RAB27A: variants seen among roughly 807,000 people sequenced by gnomAD.
The protein encoded by RAB27A is ras-related protein Rab-27A.
A neutral mutation model predicts 20.8 loss-of-function variants in RAB27A; 17 were observed. The ratio of observed to expected loss-of-function variants is 0.82; its 90% CI spans 0.56 to 1.23. The LOEUF (loss-of-function observed/expected upper bound fraction) is 1.23, where lower values mean the gene tolerates loss of function less well. RAB27A is among the 50% of genes most tolerant of loss of function. The pLI, the probability that RAB27A is intolerant of heterozygous loss-of-function variation, is 0.00. For missense variants in RAB27A, 277 were observed against 266.7 expected (o/e 1.04, Z -0.27); for synonymous variants, 85 against 92.8 (o/e 0.92, Z 0.48).
chr15:55,317,369 C>T, intron 1 of RAB27A: 1 of 199,766 alleles, frequency 5.0e-6, no homozygotes. Flanking sequence ...GGCTGGAGTG[C>T]AGCAGCGTGA....
intron 3 of RAB27A, among the ~76,000 whole-genome samples, chr15:55,231,173 A>C (rs1299884947): frequency 6.6e-6 from 1 of 152,176 alleles, no homozygotes; most frequent in Non-Finnish European, 1.5e-5. Flanking sequence ...GCTGCATAGT[A>C]TTCTATGATG....
At chr15:55,264,726 T>C (rs1211584950) in intron 2 of RAB27A, among the ~76,000 whole-genome samples, 2 of 152,196 alleles carry the variant, frequency 1.3e-5, no homozygotes, top group African/African-American at 4.8e-5. Context: ...TCCAAAGATA[T>C]ACTAGTAAAG....
At chr15:55,273,959 G>A (rs111449095) in intron 1 of RAB27A, among the ~76,000 whole-genome samples, 20 of 152,222 alleles carry the variant, frequency 1.3e-4, no homozygotes, top group African/African-American at 3.1e-4. Flanking sequence ...CTTCTCAAGC[G>A]CACGTGGAAT....
At position 55,214,159 on chromosome 15, in the gene RAB27A, G is replaced by A. The variant is rs188613487; in HGVS notation, c.468-8454C>T. The stretch of plus-strand genomic sequence containing the variant: ...CAGCTATTAAAAACTGGTTGAGGCC[G>A]GGCGCGATGGCTGATGCCTGTAATC... On this transcript the variant is annotated intron_variant, in intron 6 of 6. Coordinates refer to ENST00000336787, the MANE Select transcript of RAB27A (RefSeq NM_183235.3). Among the ~76,000 whole-genome samples the A allele has an allele frequency of 1.8e-4, 27 of 152,300 alleles. 1 individual carries two copies. In the East Asian group the frequency reaches 2.1e-3, roughly 12 times the overall value.
intron 2 of RAB27A, among the ~76,000 whole-genome samples, chr15:55,244,896 C>T (rs548742483): frequency 1.3e-5 from 2 of 152,194 alleles, no homozygotes; most frequent in Admixed American, 1.3e-4. Context: ...TTATGTTTAA[C>T]GTTAAAAAGC....
intron 2 of RAB27A, among the ~76,000 whole-genome samples, chr15:55,249,498 C>A (rs1474943063): frequency 1.3e-5 from 2 of 152,130 alleles, no homozygotes; most frequent in Non-Finnish European, 2.9e-5. Flanking sequence ...CCAGGCTGGT[C>A]CTGAACTCCT....
intron 6 of RAB27A, among the ~76,000 whole-genome samples, chr15:55,219,582 G>A (rs1895469014): frequency 6.6e-6 from 1 of 152,160 alleles, no homozygotes. Flanking sequence ...CAGTGTTCAG[G>A]TGATTGATTC....
chr15:55,285,283 C>T (rs1352039943), intron 1 of RAB27A, among the ~76,000 whole-genome samples: 1 of 111,356 alleles, frequency 9.0e-6, no homozygotes, highest in South Asian at 2.8e-4. Context: ...TGTTTAAGGG[C>T]AACATATACA....
At chr15:55,221,698 T>A (rs1895578946) in intron 6 of RAB27A, among the ~76,000 whole-genome samples, 1 of 152,146 alleles carries the variant, frequency 6.6e-6, no homozygotes, top group East Asian at 1.9e-4. Context: ...GGGGGCAATT[T>A]TGGGGGTAGG....
chr15:55,245,739 T>C (rs1896660608), intron 2 of RAB27A, among the ~76,000 whole-genome samples: 2 of 152,226 alleles, frequency 1.3e-5, no homozygotes, highest in South Asian at 4.1e-4. Context: ...GACCAACTTC[T>C]AGCAGATGGT....
At chr15:55,311,289 C>G (rs1023925158) in intron 2 of RAB27A, among the ~76,000 whole-genome samples, 1 of 152,182 alleles carries the variant, frequency 6.6e-6, no homozygotes, top group African/African-American at 2.4e-5. Context: ...TCAGGGTTAT[C>G]TAAGAATTTA....
intron 2 of RAB27A, among the ~76,000 whole-genome samples, chr15:55,267,193 G>C (rs552575947): frequency 2.0e-5 from 3 of 152,296 alleles, no homozygotes; most frequent in Admixed American, 2.0e-4. Flanking sequence ...TTATCATTGA[G>C]CTATTTGCTG....
intron 2 of RAB27A, among the ~76,000 whole-genome samples, chr15:55,241,602 A>C (rs7176232): frequency 0.025 from 1,112 of 45,218 alleles, 63 homozygotes; most frequent in African/African-American, 0.096. Flanking sequence ...AGACCTATTT[A>C]TATATATATA....
At chr15:55,226,612 G>A (rs1177186944) in intron 5 of RAB27A, among the ~76,000 whole-genome samples, 2 of 152,114 alleles carry the variant, frequency 1.3e-5, no homozygotes, top group Non-Finnish European at 2.9e-5. Flanking sequence ...GCTCACGCCT[G>A]TAATCCCAGC....
intron 2 of RAB27A, among the ~76,000 whole-genome samples, chr15:55,250,376 A>G (rs1896845515): frequency 1.3e-5 from 2 of 152,206 alleles, no homozygotes; most frequent in Admixed American, 1.3e-4. Flanking sequence ...TTGTTAAGCT[A>G]TTTATGGCTA....
At chr15:55,218,934 G>A (rs1895438683) in intron 6 of RAB27A, among the ~76,000 whole-genome samples, 1 of 151,922 alleles carries the variant, frequency 6.6e-6, no homozygotes, top group South Asian at 2.1e-4. Context: ...TAGAGACGGG[G>A]TTTCACCATG....
At chr15:55,292,463 C>T (rs2054927355), upstream of RAB27A, among the ~76,000 whole-genome samples, 3 of 152,112 alleles carry the variant, frequency 2.0e-5, no homozygotes, top group Admixed American at 2.0e-4. Context: ...GGGATAATAG[C>T]GATCTGATTA....
intron 5 of RAB27A, among the ~76,000 whole-genome samples, chr15:55,226,311 G>A (rs1465988955): frequency 6.6e-6 from 1 of 152,030 alleles, no homozygotes; most frequent in East Asian, 1.9e-4. Context: ...CATCTGAGTG[G>A]GGCTTACTTT....
intron 6 of RAB27A, among the ~76,000 whole-genome samples, chr15:55,206,097 G>C (rs1281605439): frequency 1.3e-5 from 2 of 152,036 alleles, no homozygotes; most frequent in Non-Finnish European, 2.9e-5. Context: ...TGTAATCCCA[G>C]CTACTGGGGA....
Sources: gnomAD v4.1 joint callset for allele counts (sites outside exome capture counted in the v4.1 genomes callset) on GRCh38, gnomAD v4.1.1 for gene constraint, MANE v1.5 for transcripts, NCBI Gene and HGNC (gene_info 2026-07-23, HGNC 2026-07-21) for gene names.